The following TPSG1 variants were observed in gnomAD, a reference collection of about 807,000 sequenced individuals.
TPSG1 encodes the protein tryptase gamma 1.
In TPSG1, 43 loss-of-function variants were observed where a neutral mutation model predicts 23.8. That is an observed-to-expected ratio of 1.81 (90% CI 1.42 to 2.33). The LOEUF is 2.33. Ranked by LOEUF, TPSG1 falls within the 30% of genes most tolerant of loss-of-function variation. The pLI is 0.00. For synonymous variants in TPSG1, 302 were observed against 201.3 expected (o/e 1.50, Z -4.23); for missense variants, 623 against 438.6 (o/e 1.42, Z -3.75).
rs754793943 is a variant in TPSG1 at position 1,222,262 on chromosome 16, G to A, written c.591C>T (p.Pro197=). 1.1e-4 allele frequency: 171 copies of A among 1,611,966 alleles called. 1 individual carries two copies. The highest frequency in any genetic ancestry group is 9.5e-4 in the Admixed American group (57 of 59,974). Residue 197 remains proline, a synonymous_variant, in exon 5 of 6, where the codon CCC becomes CCT. Transcript: ENST00000234798. ...VDTETCRRDY[P]GPGGSILQPD... ...GCTGAAGGATGCTGCCCCCGGGGCC[G>A]GGATAGTCCCGGCGGCAGGTCTCTG... is the stretch of plus-strand genomic sequence containing the variant.
chr16:1,222,746 G>A lies in TPSG1; in HGVS notation c.417C>T (p.Ser139=), dbSNP rs144196384. ...CCGGGAGGCAGACGGGCAGGATCCGGCTGGAGAGGGTCACGGGGACACTGA... is the reference window on the plus strand; with the variant it reads ...CCGGGAGGCAGACGGGCAGGATCCGACTGGAGAGGGTCACGGGGACACTGA... ...VELSVPVTLS[S]RILPVCLPEA... is the part of the protein sequence containing the mutation. The change falls in exon 4 of 6, where the codon AGC becomes AGT. Residue 139 remains serine, a synonymous_variant. Coordinates refer to ENST00000234798, the MANE Select transcript of TPSG1 (RefSeq NM_012467.4). 5.5e-5 allele frequency: 88 copies of A among 1,612,004 alleles called. No homozygotes were observed. In the African/African-American group the frequency reaches 8.1e-4, roughly 15 times the overall value.
In TPSG1 at chr16:1,223,419, T is replaced by A. The variant is rs947352624; in HGVS notation, c.245+4A>T. 2.5e-6 allele frequency: 4 copies of A among 1,578,434 alleles called. No individual in the cohort carries two copies. Among genetic ancestry groups the A allele is most frequent in the South Asian group, 1.2e-5 (1 of 86,218 alleles). On this transcript the variant is annotated splice_donor_region_variant and intron_variant, in intron 3 of 5. Transcript: ENST00000234798. ...AGACTGCCCCTGCCCACCCGGACAC[T>A]CACCCGGAGAAGCAGTGGGCAGCTG...
In TPSG1 at chr16:1,221,935, C is replaced by T; in HGVS notation, c.819G>A (p.Gly273=). Residue 273 remains glycine (G), a synonymous_variant, in exon 6 of 6, where the codon GGG becomes GGA. Transcript: ENST00000234798. The stretch of plus-strand genomic sequence containing the variant: ...GCCTGGGGTACCCAGACTCTGAGCC[C>T]CCTGATGCTGTGATGTGGCGGCGGA... ...NWIRRHITAS[G]GSESGYPRLP... The T allele has an allele frequency of 1.2e-6, 2 of 1,611,878 alleles. No individual in the cohort carries two copies. Among genetic ancestry groups the T allele is most frequent in the South Asian group, 1.1e-5 (1 of 90,976 alleles).
At chr16:1,224,748 G>T in intron 1 of TPSG1, 120 bp from the exon 2 acceptor site, 2 of 1,302,476 alleles carry the variant, frequency 1.5e-6, no homozygotes. Context: ...CCTGAGCAGA[G>T]GGGCCCGGCC....
At chr16:1,224,723 G>A in intron 1 of TPSG1, 95 bp from the exon 2 acceptor site, 3 of 1,525,596 alleles carry the variant, frequency 2.0e-6, no homozygotes, top group Middle Eastern at 3.8e-4. Context: ...GGGCGGCACT[G>A]GGGTGGGGCC....
Position 1,222,654 on chromosome 16 carries a change from C to G in TPSG1, c.509G>C (p.Gly170Ala). 6.5e-7 allele frequency: 1 copy of G among 1,546,588 alleles called. No individual in the cohort carries two copies. The highest frequency in any genetic ancestry group is 8.8e-7 in the Non-Finnish European group (1 of 1,141,290). The change falls in exon 4 of 6, where the codon GGA becomes GCA. Residue 170 changes from glycine (G) to alanine (A), a missense_variant and splice_region_variant. By Grantham distance (60) the Gly-to-Ala change is moderately conservative (BLOSUM62 0). Transcript: ENST00000234798. ...WVTGWGYTRE[G>A]EPLPPPYSLR... The stretch of plus-strand genomic sequence containing the variant: ...GCATCCCCACGGGGGCTCCTCACCT[C>G]CCTCCCGCGTATAGCCCCAGCCGGT...
At position 1,225,241 on chromosome 16, in the gene TPSG1, C is replaced by A. The variant is rs569736377; in HGVS notation, c.12G>T (p.Gly4=). 3.8e-6 allele frequency: 6 copies of A among 1,576,230 alleles called. No individual in the cohort carries two copies. The highest frequency in any genetic ancestry group is 1.8e-5 in the Admixed American group (1 of 54,450). MAL[G]ACGLLLLLAV... ...CCAGGAGCAGCAGGAGGCCACAGGC[C>A]CCAAGGGCCATGGTGTCTGCCCACT... Residue 4 remains glycine, a synonymous_variant, in exon 1 of 6, where the codon GGG becomes GGT. Transcript: ENST00000234798.
At position 1,222,743 on chromosome 16, in the gene TPSG1, C is replaced by T. The variant is rs773026730; in HGVS notation, c.420G>A (p.Arg140=). The change falls in exon 4 of 6, where the codon CGG becomes CGA. Residue 140 remains arginine (R), a synonymous_variant. Transcript: ENST00000234798. ...CCTCCGGGAGGCAGACGGGCAGGAT[C>T]CGGCTGGAGAGGGTCACGGGGACAC... The part of the protein sequence containing the change: ...ELSVPVTLSS[R]ILPVCLPEAS... The T allele has an allele frequency of 6.2e-7, 1 of 1,611,676 alleles. No individual in the cohort carries two copies. The highest frequency in any genetic ancestry group is 8.5e-7 in the Non-Finnish European group (1 of 1,179,094).
chr16:1,223,878 G>A (rs932278457), intron 2 of TPSG1: 11 of 478,482 alleles, frequency 2.3e-5, no homozygotes, highest in East Asian at 4.1e-5. Flanking sequence ...GCCCCTAGGC[G>A]GCTAGAAAGG....
chr16:1,225,091 G>A, intron 1 of TPSG1, 116 bp downstream of exon 1: 1 of 1,337,192 alleles, frequency 7.5e-7, no homozygotes, highest in Non-Finnish European at 1.0e-6. Context: ...GGGCCCCACA[G>A]GGTGGGGACT....
Position 1,221,997 on chromosome 16 carries a change from C to G in TPSG1, c.757G>C (p.Gly253Arg), listed in dbSNP as rs1248881433. The G allele has an allele frequency of 6.2e-7, 1 of 1,612,652 alleles. No homozygotes were observed. Among genetic ancestry groups the G allele is most frequent in the Non-Finnish European group, 8.5e-7 (1 of 1,179,938 alleles). Residue 253 changes from glycine to arginine, a missense_variant, in exon 6 of 6, where the codon GGA becomes CGA. By Grantham distance (125) the Gly-to-Arg change is moderately radical. Coordinates refer to ENST00000234798, the MANE Select transcript of TPSG1 (RefSeq NM_012467.4). ...TAGGCAGGGACACGAGTGTAGACTC[C>G]CGGCCTGTTGGGGCGGCCGCAGCCC... Reference protein sequence around the residue: ...GEGCGRPNRPGVYTRVPAYVN... With the variant: ...GEGCGRPNRPRVYTRVPAYVN...
chr16:1,223,595 C>G lies in TPSG1; in HGVS notation c.74-1G>C, dbSNP rs1295195388. On this transcript the variant is annotated splice_acceptor_variant, in intron 2 of 5. Coordinates refer to ENST00000234798, the MANE Select transcript of TPSG1 (RefSeq NM_012467.4). LOFTEE classifies it high-confidence loss of function. ...TCCGAAACCTGCGGCCGGCCACACC[C>G]TAAGTCGAAGGAGGAAGGGGTGCCT... 7.1e-6 allele frequency: 11 copies of G among 1,539,148 alleles called. No homozygotes were observed. Among genetic ancestry groups the G allele is most frequent in the East Asian group, 2.5e-5 (1 of 40,602 alleles).
intron 2 of TPSG1, 53 bp from the exon 3 acceptor site, chr16:1,223,647 A>C: frequency 6.6e-7 from 1 of 1,512,220 alleles, no homozygotes; most frequent in Non-Finnish European, 8.8e-7. Context: ...AACCCACTGC[A>C]CTTCCTCCAT....
intron 3 of TPSG1, 38 bp from the exon 4 acceptor site, chr16:1,222,955 C>T (rs771867340): frequency 9.6e-6 from 15 of 1,564,606 alleles, no homozygotes; most frequent in Admixed American, 7.0e-5. Flanking sequence ...GGGCCAGCTG[C>T]GGAGGCTGGA....
At position 1,222,836 on chromosome 16, in the gene TPSG1, C is replaced by T. The variant is rs755575484; in HGVS notation, c.327G>A (p.Gln109=). ...CTGAGGGGCTGGAGTGCAGGATGAT[C>T]TGCCTCACGGTGGAGAAGTGGGGAG... ...TLSPHFSTVR[Q]IILHSSPSGQ... is the part of the protein sequence containing the mutation. The change falls in exon 4 of 6, where the codon CAG becomes CAA. Residue 109 remains glutamine, a synonymous_variant. Coordinates refer to ENST00000234798, the MANE Select transcript of TPSG1 (RefSeq NM_012467.4). 6.2e-7 allele frequency: 1 copy of T among 1,611,664 alleles called. No homozygotes were observed. Among genetic ancestry groups the T allele is most frequent in the South Asian group, 1.1e-5 (1 of 90,914 alleles).
intron 2 of TPSG1, 144 bp from the exon 3 acceptor site, chr16:1,223,738 A>T: frequency 1.0e-6 from 1 of 1,000,698 alleles, no homozygotes; most frequent in Non-Finnish European, 1.4e-6. Flanking sequence ...TCTCCCCAGA[A>T]GCATCGTGGG....
In TPSG1 at chr16:1,222,670, C is replaced by T. The variant is rs778585253; in HGVS notation, c.493G>A (p.Gly165Ser). 28 of 1,572,252 alleles carry T rather than the reference C, an allele frequency of 1.8e-5. No homozygotes were observed. The African/African-American group carries it at 3.4e-4, about 19-fold the overall frequency. ...TCCTCACCTCCCTCCCGCGTATAGC[C>T]CCAGCCGGTCACCCAGCACCGGATC... ...PGIRCWVTGWGYTREGEPLPP... is the reference protein window; with the variant it reads ...PGIRCWVTGWSYTREGEPLPP... Residue 165 changes from glycine (G) to serine (S), a missense_variant, in exon 4 of 6, where the codon GGC becomes AGC. By Grantham distance (56) the Gly-to-Ser change is moderately conservative. Coordinates refer to ENST00000234798, the MANE Select transcript of TPSG1 (RefSeq NM_012467.4).
In TPSG1 at chr16:1,222,764, G is replaced by A; in HGVS notation, c.399C>T (p.Val133=). ...SGDIALVELS[V]PVTLSSRILP... is the part of the protein sequence containing the mutation. ...GGATCCGGCTGGAGAGGGTCACGGG[G>A]ACACTGAGCTCCACCAGGGCGATGT... is the stretch of plus-strand genomic sequence containing the variant. Residue 133 remains valine, a synonymous_variant, in exon 4 of 6, where the codon GTC becomes GTT. Coordinates refer to ENST00000234798, the MANE Select transcript of TPSG1 (RefSeq NM_012467.4). 1 of 1,612,340 alleles carries A rather than the reference G, an allele frequency of 6.2e-7. No individual in the cohort carries two copies. Among genetic ancestry groups the A allele is most frequent in the South Asian group, 1.1e-5 (1 of 91,056 alleles).
At chr16:1,224,495 C>T (rs1202084608) in intron 2 of TPSG1, 107 bp downstream of exon 2, 3 of 1,448,398 alleles carry the variant, frequency 2.1e-6, no homozygotes, top group Admixed American at 1.9e-5. Context: ...AAACTATGAC[C>T]TCCCCGGGCC....
Sources: gnomAD v4.1 joint callset for allele counts on GRCh38, gnomAD v4.1.1 for gene constraint, MANE v1.5 for transcripts, NCBI Gene and HGNC (gene_info 2026-07-23, HGNC 2026-07-21) for gene names.